The following RPS6KC1 variants were observed in gnomAD, a reference collection of about 807,000 sequenced individuals.
The protein encoded by RPS6KC1 is inactive ribosomal protein S6 kinase delta-1.
Under a neutral mutation model 103.8 loss-of-function variants are expected in RPS6KC1, and 54 were observed. That is an observed-to-expected ratio of 0.52 (90% CI 0.42 to 0.65). The LOEUF (loss-of-function observed/expected upper bound fraction) is 0.65. Among genes scored for constraint, RPS6KC1 ranks in the 30% least tolerant of loss-of-function variants. RPS6KC1 has a pLI of 0.00. For synonymous variants in RPS6KC1, 439 were observed against 438.7 expected (o/e 1.00, Z -0.01); for missense variants, 1,151 against 1,253.8 (o/e 0.92, Z 1.24).
chr1:213,646,898 T>TA, the RPS6KC1 span, among the ~76,000 whole-genome samples: 705 of 143,550 alleles, frequency 4.9e-3, 3 homozygotes, highest in African/African-American at 0.017. Context: ...TATATATATA[T>TA]TTTTGTTTGT....
the RPS6KC1 span, among the ~76,000 whole-genome samples, chr1:213,309,652 C>A: frequency 6.6e-6 from 1 of 152,138 alleles, no homozygotes; most frequent in Admixed American, 6.6e-5. Context: ...TAATTCCAGC[C>A]AGAGTTGTGC....
At chr1:213,804,185 A>AC in the RPS6KC1 span, among the ~76,000 whole-genome samples, 3 of 149,862 alleles carry the variant, frequency 2.0e-5, no homozygotes, top group African/African-American at 7.3e-5. Context: ...AAAAAAAAAA[A>AC]AAAAAAAAAA....
rs118032359 is a variant in RPS6KC1 at position 213,098,464 on chromosome 1, A to G, written c.263-5990A>G. On this transcript the variant is annotated intron_variant, in intron 3 of 14. Transcript: ENST00000366960. ...GCCTTATTTCCAGCTTTTGATTTAA[A>G]GTGAGACACCTGTAACTCTTCCTTT... Among the ~76,000 whole-genome samples the G allele has an allele frequency of 1.5e-4, 23 of 152,062 alleles. No homozygotes were observed. The East Asian group carries it at 4.4e-3, about 29-fold the overall frequency.
intron 10 of RPS6KC1, among the ~76,000 whole-genome samples, chr1:213,234,455 A>G (rs926333496): frequency 7.2e-5 from 11 of 152,220 alleles, no homozygotes; most frequent in African/African-American, 2.7e-4. Context: ...TAAGTAGTAG[A>G]GGGAGCCCTC....
the RPS6KC1 span, among the ~76,000 whole-genome samples, chr1:213,363,702 CCTTCT>C: frequency 3.4e-4 from 20 of 58,848 alleles, no homozygotes; most frequent in East Asian, 5.4e-4. Flanking sequence ...TTCTTTCTTT[CCTTCT>C]TTCTTTCTTT....
Position 213,249,119 on chromosome 1 carries a change from A to T in RPS6KC1, c.2911+6461A>T, listed in dbSNP as rs74938779. 1.6e-4 allele frequency among the ~76,000 whole-genome samples: 24 copies of T among 152,318 alleles called. No individual in the cohort carries two copies. In the East Asian group the frequency reaches 4.4e-3, roughly 28 times the overall value. On this transcript the variant is annotated intron_variant, in intron 12 of 14. Transcript: ENST00000366960. Reference sequence around the variant, plus strand: ...ACTTATAGTTTAAAGTATTAGCTACAGTGTAATGCTTTTTATTTTTCGTAT... The same window carrying T: ...ACTTATAGTTTAAAGTATTAGCTACTGTGTAATGCTTTTTATTTTTCGTAT...
chr1:213,515,281 G>A, the RPS6KC1 span, among the ~76,000 whole-genome samples: 1 of 152,204 alleles, frequency 6.6e-6, no homozygotes, highest in Non-Finnish European at 1.5e-5. Context: ...TGCTTTTGGT[G>A]TTTTAGACAT....
chr1:213,194,692 G>A (rs1245898075), intron 8 of RPS6KC1, among the ~76,000 whole-genome samples: 1 of 152,202 alleles, frequency 6.6e-6, no homozygotes, highest in African/African-American at 2.4e-5. Context: ...AAACCCTATT[G>A]TGAACTGTGA....
chr1:213,131,189 A>T (rs1421738421), intron 6 of RPS6KC1, among the ~76,000 whole-genome samples: 1 of 152,090 alleles, frequency 6.6e-6, no homozygotes, highest in South Asian at 2.1e-4. Context: ...ATAAGAGGAG[A>T]TGGAGTCTTG....
chr1:213,409,881 G>T, the RPS6KC1 span, among the ~76,000 whole-genome samples: 1 of 152,212 alleles, frequency 6.6e-6, no homozygotes, highest in African/African-American at 2.4e-5. Context: ...ATAATTGCTG[G>T]GCTGGGTGCA....
At chr1:213,699,093 T>C in the RPS6KC1 span, among the ~76,000 whole-genome samples, 1 of 152,148 alleles carries the variant, frequency 6.6e-6, no homozygotes. Flanking sequence ...AAATAAACAA[T>C]TAAATTATTA....
At chr1:213,381,140 G>A in the RPS6KC1 span, among the ~76,000 whole-genome samples, 1 of 152,176 alleles carries the variant, frequency 6.6e-6, no homozygotes, top group Non-Finnish European at 1.5e-5. Context: ...CTGGGAAGAG[G>A]GTGTGTGGCC....
At chr1:213,325,265 C>G in the RPS6KC1 span, among the ~76,000 whole-genome samples, 1 of 152,188 alleles carries the variant, frequency 6.6e-6, no homozygotes, top group Non-Finnish European at 1.5e-5. Context: ...CGGCATCCGG[C>G]CCTTCCTCTT....
chr1:213,512,087 T>C, the RPS6KC1 span, among the ~76,000 whole-genome samples: 1 of 152,260 alleles, frequency 6.6e-6, no homozygotes, highest in Non-Finnish European at 1.5e-5. Context: ...TACTCTGACT[T>C]CATTTGCACT....
chr1:213,357,856 A>G, the RPS6KC1 span, among the ~76,000 whole-genome samples: 1 of 152,052 alleles, frequency 6.6e-6, no homozygotes, highest in Non-Finnish European at 1.5e-5. Flanking sequence ...GTGTGGCGGG[A>G]CCCTCCTCCT....
intron 6 of RPS6KC1, among the ~76,000 whole-genome samples, chr1:213,159,773 G>T (rs2090284552): frequency 6.6e-6 from 1 of 152,028 alleles, no homozygotes; most frequent in Non-Finnish European, 1.5e-5. Flanking sequence ...TTTATTAGTC[G>T]ATCTCTCATC....
the RPS6KC1 span, among the ~76,000 whole-genome samples, chr1:213,663,669 C>T: frequency 8.9e-4 from 135 of 152,294 alleles, no homozygotes; most frequent in African/African-American, 3.2e-3. Context: ...TCTGTCTCCA[C>T]CTATTTGCTA....
chr1:213,763,818 G>A, the RPS6KC1 span, among the ~76,000 whole-genome samples: 1 of 152,164 alleles, frequency 6.6e-6, no homozygotes, highest in Non-Finnish European at 1.5e-5. Flanking sequence ...GCAGGTGATG[G>A]GCAAGCAGGC....
intron 12 of RPS6KC1, among the ~76,000 whole-genome samples, chr1:213,248,907 TA>T (rs2094498405): frequency 6.6e-6 from 1 of 152,200 alleles, no homozygotes; most frequent in African/African-American, 2.4e-5. Context: ...GATGTTTTGA[TA>T]CAGAAGAGGT....
Sources: gnomAD v4.1 joint callset for allele counts (sites outside exome capture counted in the v4.1 genomes callset) on GRCh38, gnomAD v4.1.1 for gene constraint, MANE v1.5 for transcripts, NCBI Gene and HGNC (gene_info 2026-07-23, HGNC 2026-07-21) for gene names.